CRACDL: variants seen among roughly 807,000 people sequenced by gnomAD.
CRACDL encodes CRACD-like protein.
In CRACDL, 26 loss-of-function variants were observed where a neutral mutation model predicts 70.6. The observed-to-expected ratio is 0.37, with a 90% CI of 0.27 to 0.51. The LOEUF is 0.51. CRACDL is among the 20% of genes least tolerant of loss of function. The pLI is 0.94. For synonymous variants in CRACDL, 618 were observed against 615.2 expected (o/e 1.00, Z -0.07); for missense variants, 1,283 against 1,376.9 (o/e 0.93, Z 1.08).
chr2:98,813,055 G>A (rs1309999272), intron 7 of CRACDL, among the ~76,000 whole-genome samples: 3 of 152,108 alleles, frequency 2.0e-5, no homozygotes, highest in Non-Finnish European at 2.9e-5. Flanking sequence ...CTTAGGTCAA[G>A]GTTCATACTT....
At chr2:98,891,015 T>C (rs976868006) in intron 1 of CRACDL, among the ~76,000 whole-genome samples, 4 of 151,410 alleles carry the variant, frequency 2.6e-5, no homozygotes, top group African/African-American at 9.7e-5. Context: ...CAAGATTGTG[T>C]CATTCCAGCC....
rs1248600910 is a variant in CRACDL at position 98,823,181 on chromosome 2, G to C, written c.1092C>G (p.Pro364=). 4.0e-6 allele frequency: 6 copies of C among 1,496,364 alleles called. No homozygotes were observed. The highest frequency in any genetic ancestry group is 5.3e-6 in the Non-Finnish European group (6 of 1,124,654). The allele number at this position is 1,496,364 out of a possible 1,614,324, so 92.7% of individuals were successfully genotyped here. The change falls in exon 7 of 10, where the codon CCC becomes CCG. Residue 364 remains proline (P), a synonymous_variant. Transcript: ENST00000397899. The surrounding 1 kb of genome is among the most constrained non-coding windows in gnomAD (Gnocchi z 4.0). The part of the protein sequence containing the change: ...PPSPPEGPPN[P]GPDGGKQDGE... ...CATCCTGCTTTCCGCCGTCGGGACC[G>C]GGATTCGGGGGGCCCTCCGGCGGGG...
Position 98,822,021 on chromosome 2 carries a change from C to G in CRACDL, c.2252G>C (p.Arg751Pro), listed in dbSNP as rs775371612. The change falls in exon 7 of 10, where the codon CGG becomes CCG. Residue 751 changes from arginine to proline, a missense_variant. Physicochemically the swap from Arg to Pro is moderately radical, Grantham distance 103 (BLOSUM62 -2). This residue lies in a region of CRACDL where 921 missense variants were observed against 881.9 expected (regional missense o/e 1.04). Transcript: ENST00000397899. This position sits in a 1 kb window ranked among gnomAD's most constrained non-coding sequence, Gnocchi z 4.9. ...CTTGGAGCTGAGCGGCTCGGGGGGC[C>G]GGGCCTTCCCCTTTCCTTGGTCGCT... The part of the protein sequence containing the change: ...APSDQGKGKA[R>P]PPEPLSSKPP... 155 of 1,539,706 alleles carry G rather than the reference C, an allele frequency of 1.0e-4. No individual in the cohort carries two copies. The highest frequency in any genetic ancestry group is 1.7e-4 in the Middle Eastern group (1 of 5,940).
chr2:98,794,697 C>G (rs754637007), intron 9 of CRACDL, 26 bp from the exon 10 acceptor site: 2 of 1,595,988 alleles, frequency 1.3e-6, no homozygotes, highest in African/African-American at 2.7e-5. Flanking sequence ...ACAAAACCAA[C>G]AGAAACATGA....
intron 1 of CRACDL, among the ~76,000 whole-genome samples, chr2:98,920,585 C>T (rs1474650634): frequency 6.6e-6 from 1 of 152,096 alleles, no homozygotes; most frequent in Non-Finnish European, 1.5e-5. Flanking sequence ...CCCGTCCAGT[C>T]CCATCAGACA....
At chr2:98,844,768 T>C (rs2104531331) in intron 2 of CRACDL, among the ~76,000 whole-genome samples, 1 of 152,374 alleles carries the variant, frequency 6.6e-6, no homozygotes, top group South Asian at 2.1e-4. Flanking sequence ...ACTGAAAATA[T>C]ATTTTCTGTG....
intron 1 of CRACDL, among the ~76,000 whole-genome samples, chr2:98,868,193 C>T (rs958155440): frequency 4.6e-5 from 7 of 152,192 alleles, no homozygotes; most frequent in Non-Finnish European, 8.8e-5. Flanking sequence ...GTTACTACTC[C>T]TTTGTAACAA....
chr2:98,821,897 C>T lies in CRACDL; in HGVS notation c.2376G>A (p.Glu792=). The change falls in exon 7 of 10, where the codon GAG becomes GAA. Residue 792 remains glutamate (E), a synonymous_variant. Coordinates refer to ENST00000397899, the MANE Select transcript of CRACDL (RefSeq NM_207362.3). ...GCGGCCTTTTCTCCGCCGTCCTGGG[C>T]TCCTTCCTGGGTTCCCGCTCTCCCG... ...AGPGEREPRK[E]PRTAEKRPLR... is the part of the protein sequence containing the mutation. 1 of 1,604,580 alleles carries T rather than the reference C, an allele frequency of 6.2e-7. No homozygotes were observed.
At chr2:98,842,995 C>G (rs1706098474) in intron 2 of CRACDL, among the ~76,000 whole-genome samples, 1 of 151,772 alleles carries the variant, frequency 6.6e-6, no homozygotes, top group African/African-American at 2.4e-5. Flanking sequence ...AAGGAGCTGC[C>G]AAAATGTTTT....
chr2:98,893,385 G>A (rs141243009), intron 1 of CRACDL, among the ~76,000 whole-genome samples: 1 of 152,116 alleles, frequency 6.6e-6, no homozygotes, highest in African/African-American at 2.4e-5. Flanking sequence ...CTGGGTTCAC[G>A]CCATTCTCCT....
Position 98,823,827 on chromosome 2 carries a change from C to T in CRACDL, c.736-290G>A, listed in dbSNP as rs144350788. Among the ~76,000 whole-genome samples, 186 of 152,334 alleles carry T rather than the reference C, an allele frequency of 1.2e-3. No individual in the cohort carries two copies. The highest frequency in any genetic ancestry group is 4.3e-3 in the African/African-American group (177 of 41,570). The stretch of plus-strand genomic sequence containing the variant: ...CTAGAGTAACGCCAAGGGAAGGCGA[C>T]CAACAGCAGCCAGTGTCTGCTATGC... On this transcript the variant is annotated intron_variant, in intron 6 of 9. Transcript: ENST00000397899. The surrounding 1 kb of genome is among the most constrained non-coding windows in gnomAD (Gnocchi z 4.0).
In CRACDL at chr2:98,827,152, T is replaced by G; in HGVS notation, c.558A>C (p.Pro186=). ...GTTIKVSVVS[P]DHVSDSTVSA... ...AGACGGTGCTGTCGCTCACGTGGTC[T>G]GGAGACACGACAGAGACCTTCGTGG... The change falls in exon 6 of 10, where the codon CCA becomes CCC. Residue 186 remains proline, a synonymous_variant. Coordinates refer to ENST00000397899, the MANE Select transcript of CRACDL (RefSeq NM_207362.3). 6.2e-7 allele frequency: 1 copy of G among 1,613,990 alleles called. No individual in the cohort carries two copies. The highest frequency in any genetic ancestry group is 1.7e-5 in the Admixed American group (1 of 60,022).
Position 98,927,422 on chromosome 2 carries a change from C to T in CRACDL, c.-11+8516G>A, listed in dbSNP as rs987474021. On this transcript the variant is annotated intron_variant, in intron 1 of 9. Transcript: ENST00000397899. Reference sequence around the variant, plus strand: ...TGCACTAAATCCTCTTCTGCCTCAGCGAATGAGAGTGAATTCTGAGTAACA... The same window carrying T: ...TGCACTAAATCCTCTTCTGCCTCAGTGAATGAGAGTGAATTCTGAGTAACA... 3.3e-5 allele frequency among the ~76,000 whole-genome samples: 5 copies of T among 151,522 alleles called. No individual in the cohort carries two copies. In the East Asian group the frequency reaches 9.7e-4, roughly 29 times the overall value.
chr2:98,934,315 C>T (rs931280630), intron 1 of CRACDL, among the ~76,000 whole-genome samples: 21 of 151,652 alleles, frequency 1.4e-4, no homozygotes, highest in Admixed American at 1.2e-3. Flanking sequence ...TCCCCTGCCT[C>T]GGCCTCCCGA....
rs773973217 is a variant in CRACDL, at chr2:98,822,173, A to C, written c.2100T>G (p.Ser700=). ...ACCTCTTCACACCCTTCACCTCCTG[A>C]GAGGCGCCATCCCTGTATTTGAGCG... ...SLSLKYRDGA[S]QEVKGVKRYS... The change falls in exon 7 of 10, where the codon TCT becomes TCG. Residue 700 remains serine (S), a synonymous_variant. Transcript: ENST00000397899. The surrounding 1 kb of genome is among the most constrained non-coding windows in gnomAD (Gnocchi z 4.9). 2 of 1,610,662 alleles carry C rather than the reference A, an allele frequency of 1.2e-6. No individual in the cohort carries two copies. Among genetic ancestry groups the C allele is most frequent in the Admixed American group, 1.7e-5 (1 of 59,756 alleles).
intron 3 of CRACDL, among the ~76,000 whole-genome samples, chr2:98,836,839 T>C (rs1294943630): frequency 6.6e-6 from 1 of 151,910 alleles, no homozygotes; most frequent in South Asian, 2.1e-4. Flanking sequence ...TCCCAGCACT[T>C]TGGGAGGCCG....
At chr2:98,896,328 G>C (rs1288870317) in intron 1 of CRACDL, among the ~76,000 whole-genome samples, 1 of 152,166 alleles carries the variant, frequency 6.6e-6, no homozygotes, top group Non-Finnish European at 1.5e-5. Context: ...CTTCAGACAA[G>C]AAAATATTTC....
chr2:98,794,263 C>T lies in CRACDL; in HGVS notation c.*269G>A, dbSNP rs544264993. 20 of 317,012 alleles carry T rather than the reference C, an allele frequency of 6.3e-5. No homozygotes were observed. In the Middle Eastern group the frequency reaches 2.7e-3, roughly 42 times the overall value. 19.6% of individuals were successfully genotyped at this position (317,012 alleles called of 1,614,324 possible). A position where few individuals can be genotyped will look rare whatever the true frequency, so the allele number is the denominator to read the frequency against. On this transcript the variant is annotated 3_prime_UTR_variant, in exon 10 of 10. Coordinates refer to ENST00000397899, the MANE Select transcript of CRACDL (RefSeq NM_207362.3). ...CTGAGGCTTCTTTATCAAGGGAATTCGAAAAGACACATTCGTACCTTTGGG... is the reference window on the plus strand; with the variant it reads ...CTGAGGCTTCTTTATCAAGGGAATTTGAAAAGACACATTCGTACCTTTGGG...
chr2:98,905,259 A>G (rs987041298), intron 1 of CRACDL, among the ~76,000 whole-genome samples: 94 of 116,364 alleles, frequency 8.1e-4, no homozygotes, highest in Non-Finnish European at 1.4e-3. Context: ...CAAAAAAAAA[A>G]AAAAAAAGAG....
Sources: allele counts gnomAD v4.1 joint callset (sites outside exome capture counted in the v4.1 genomes callset), GRCh38; gene constraint gnomAD v4.1.1; regional missense constraint gnomAD v4.1.1; non-coding constraint Gnocchi (gnomAD v3.1); transcripts MANE v1.5; gene names NCBI Gene and HGNC (gene_info 2026-07-23, HGNC 2026-07-21).